The following CERS3 variants were observed in gnomAD, a reference collection of about 807,000 sequenced individuals.
CERS3 encodes LAG1 homolog, ceramide synthase 3.
In CERS3, 33 loss-of-function variants were observed where a neutral mutation model predicts 50.3. The ratio of observed to expected loss-of-function variants is 0.66; its 90% CI spans 0.50 to 0.88. The LOEUF (loss-of-function observed/expected upper bound fraction) is 0.88. CERS3 is among the 40% of genes least tolerant of loss of function. The pLI is 0.00. For synonymous variants in CERS3, 176 were observed against 155.2 expected, an observed-to-expected ratio of 1.13 and a Z score of -0.99; for missense variants, 470 against 460.3, an observed-to-expected ratio of 1.02 and a Z score of -0.19.
chr15:100,453,074 A>G (rs2034231455), intron 11 of CERS3, among the ~76,000 whole-genome samples: 1 of 151,398 alleles, frequency 6.6e-6, no homozygotes, highest in Admixed American at 6.6e-5. Context: ...ATTTACAAAG[A>G]AGAATTTACA....
intron 11 of CERS3, among the ~76,000 whole-genome samples, chr15:100,447,317 C>T (rs1309420198): frequency 1.3e-5 from 2 of 152,228 alleles, no homozygotes; most frequent in Non-Finnish European, 2.9e-5. Context: ...CAAGCAATTG[C>T]CAATCAGAAA....
At chr15:100,535,809 T>C (rs2037061309) in intron 1 of CERS3, among the ~76,000 whole-genome samples, 1 of 119,106 alleles carries the variant, frequency 8.4e-6, no homozygotes, top group Non-Finnish European at 1.8e-5. Context: ...TGCTCATATG[T>C]GCACGGGAAG....
chr15:100,417,602 C>T (rs2142077207), intron 11 of CERS3, among the ~76,000 whole-genome samples: 1 of 152,120 alleles, frequency 6.6e-6, no homozygotes, highest in African/African-American at 2.4e-5. Context: ...GCCTGCCTGC[C>T]TCTGTAGGCT....
chr15:100,538,482 C>G (rs141054196), intron 1 of CERS3, among the ~76,000 whole-genome samples: 3,740 of 152,352 alleles, frequency 0.025, 68 homozygotes, highest in Middle Eastern at 0.095. Context: ...AACCTTGATT[C>G]TTGACTTCTG....
At chr15:100,486,052 G>C (rs1015029542) in intron 4 of CERS3, among the ~76,000 whole-genome samples, 2 of 152,278 alleles carry the variant, frequency 1.3e-5, no homozygotes, top group Non-Finnish European at 1.5e-5. Context: ...ACCAAGATCT[G>C]GCGGACGCTT....
At chr15:100,488,685 T>G (rs1393138769) in intron 4 of CERS3, among the ~76,000 whole-genome samples, 5 of 152,194 alleles carry the variant, frequency 3.3e-5, no homozygotes, top group African/African-American at 1.2e-4. Flanking sequence ...ACTGCCTCAG[T>G]TTTTTAATCT....
intron 2 of CERS3, among the ~76,000 whole-genome samples, chr15:100,512,939 A>C (rs2036388681): frequency 6.6e-6 from 1 of 152,172 alleles, no homozygotes; most frequent in Admixed American, 6.5e-5. Flanking sequence ...TGATTCCAAA[A>C]TTTAATGTCT....
chr15:100,407,074 A>G (rs1232303279), intron 11 of CERS3, among the ~76,000 whole-genome samples: 1 of 152,198 alleles, frequency 6.6e-6, no homozygotes, highest in Admixed American at 6.5e-5. Context: ...GGTCCCTCCC[A>G]TGATACATGG....
chr15:100,472,675 G>A (rs2035005837), intron 9 of CERS3, among the ~76,000 whole-genome samples: 1 of 152,158 alleles, frequency 6.6e-6, no homozygotes, highest in African/African-American at 2.4e-5. Context: ...GTGGGCATGT[G>A]CATGCAACCT....
At chr15:100,522,473 C>G (rs2036666099) in intron 1 of CERS3, among the ~76,000 whole-genome samples, 1 of 152,168 alleles carries the variant, frequency 6.6e-6, no homozygotes, top group African/African-American at 2.4e-5. Flanking sequence ...ATGACCAGCA[C>G]CCCAGACTCT....
chr15:100,474,780 T>C (rs1376472580), intron 8 of CERS3, among the ~76,000 whole-genome samples: 6 of 152,206 alleles, frequency 3.9e-5, no homozygotes, highest in African/African-American at 1.2e-4. Context: ...TTTAGCTTCA[T>C]TTTATAGATA....
chr15:100,523,799 G>A (rs1244250048), intron 1 of CERS3, among the ~76,000 whole-genome samples: 2 of 151,928 alleles, frequency 1.3e-5, no homozygotes, highest in Non-Finnish European at 2.9e-5. Flanking sequence ...GAAGAAAACT[G>A]GGAGTAACAT....
chr15:100,424,751 G>A (rs2142100805), intron 11 of CERS3, among the ~76,000 whole-genome samples: 1 of 152,324 alleles, frequency 6.6e-6, no homozygotes, highest in East Asian at 1.9e-4. Context: ...TTTATATTTA[G>A]AAGGGGAGCA....
chr15:100,422,940 TGGGGGGGAGG>T (rs2032550117), intron 11 of CERS3, among the ~76,000 whole-genome samples: 1 of 11,428 alleles, frequency 8.8e-5, no homozygotes, highest in Non-Finnish European at 1.8e-4. Context: ...TGTTGTGGGG[TGGGGGGGAGG>T]GGGGAGGGAT....
At chr15:100,403,636 A>G (rs1174230277) in intron 11 of CERS3, among the ~76,000 whole-genome samples, 1 of 152,222 alleles carries the variant, frequency 6.6e-6, no homozygotes, top group Non-Finnish European at 1.5e-5. Flanking sequence ...TACATTTGAC[A>G]ACTTAGATAA....
intron 2 of CERS3, chr15:100,503,703 C>A (rs202168502): frequency 6.4e-6 from 3 of 471,010 alleles, no homozygotes; most frequent in Admixed American, 2.3e-5. Flanking sequence ...TTCACCCGGG[C>A]ACATGCCTGG....
In CERS3 at chr15:100,476,015, T is replaced by C. The variant is rs930794128; in HGVS notation, c.609+71A>G. On this transcript the variant is annotated intron_variant, in intron 8 of 11. Transcript: ENST00000679737. ...ACACAGAAAAATACAACTTAAAGAT[T>C]AGAATTTGGGGCAGGGAGATGGCAA... The C allele has an allele frequency of 7.9e-5, 76 of 960,832 alleles. 1 individual carries two copies. The Admixed American group carries it at 2.0e-3, about 25-fold the overall frequency. The allele number at this position is 960,832 out of a possible 1,614,324, so 59.5% of individuals were successfully genotyped here.
intron 1 of CERS3, among the ~76,000 whole-genome samples, chr15:100,537,472 A>G (rs1285608950): frequency 6.6e-6 from 1 of 152,208 alleles, no homozygotes; most frequent in East Asian, 1.9e-4. Flanking sequence ...ACTGACTCAC[A>G]GTTCAGCATG....
chr15:100,510,980 T>C (rs529071906), intron 2 of CERS3, among the ~76,000 whole-genome samples: 25 of 152,324 alleles, frequency 1.6e-4, no homozygotes, highest in African/African-American at 5.8e-4. Flanking sequence ...ACATGGAGAC[T>C]TCTGCTCATC....
Sources: allele counts gnomAD v4.1 joint callset (sites outside exome capture counted in the v4.1 genomes callset), GRCh38; gene constraint gnomAD v4.1.1; transcripts MANE v1.5; gene names NCBI Gene and HGNC (gene_info 2026-07-23, HGNC 2026-07-21).